PFKL: variants seen among roughly 807,000 people sequenced by gnomAD.
The protein encoded by PFKL is ATP-dependent 6-phosphofructokinase, liver type.
PFKL carries 74 observed loss-of-function variants against 92.1 expected under a neutral mutation model. The ratio of observed to expected loss-of-function variants is 0.80; its 90% CI spans 0.67 to 0.97. The LOEUF (loss-of-function observed/expected upper bound fraction) is 0.97, where lower values mean the gene tolerates loss of function less well. Ranked by LOEUF, PFKL falls within the 50% of genes least tolerant of loss-of-function variation. The pLI is 0.00. For missense variants in PFKL, 1,028 were observed against 1,116.6 expected, an observed-to-expected ratio of 0.92 and a Z score of 1.13; for synonymous variants, 494 against 456.4, an observed-to-expected ratio of 1.08 and a Z score of -1.05.
intron 4 of PFKL, among the ~76,000 whole-genome samples, 196 bp from the exon 5 acceptor site, chr21:44,312,782 G>A (rs760609261): frequency 1.3e-5 from 2 of 152,186 alleles, no homozygotes; most frequent in African/African-American, 2.4e-5. Context: ...GAGGTCCCCC[G>A]TCTGCACTTG....
intron 1 of PFKL, chr21:44,304,228 G>C (rs958216049): frequency 1.6e-6 from 2 of 1,288,860 alleles, no homozygotes; most frequent in Non-Finnish European, 2.0e-6. Flanking sequence ...GGAAGTGAGG[G>C]GTACCCTTGC....
At chr21:44,301,790 A>G (rs773818171) in intron 1 of PFKL, among the ~76,000 whole-genome samples, 15 of 152,180 alleles carry the variant, frequency 9.9e-5, no homozygotes, top group Non-Finnish European at 1.5e-4. Flanking sequence ...AGGGTCCCCA[A>G]CCAGCTTCCT....
rs777649372 is a variant in PFKL at position 44,326,283 on chromosome 21, T to C, written c.2195+19T>C. ...ATTTCGAGTGAGTTCCACCAAAGCC[T>C]CGTGGAGGCGGGTGGGGCTGAGGGG... On this transcript the variant is annotated intron_variant, in intron 21 of 21. Transcript: ENST00000349048. 2 of 1,570,150 alleles carry C rather than the reference T, an allele frequency of 1.3e-6. No homozygotes were observed. The highest frequency in any genetic ancestry group is 8.7e-7 in the Non-Finnish European group (1 of 1,145,048).
intron 12 of PFKL, chr21:44,320,364 G>A: frequency 2.0e-6 from 1 of 503,286 alleles, no homozygotes; most frequent in South Asian, 2.5e-5. Flanking sequence ...AGGGCTGGCT[G>A]TTGCTTCTCA....
At chr21:44,310,266 C>T (rs1045584586) in intron 2 of PFKL, among the ~76,000 whole-genome samples, 1 of 152,248 alleles carries the variant, frequency 6.6e-6, no homozygotes, top group African/African-American at 2.4e-5. Flanking sequence ...TGTGCAGGTG[C>T]CATCTGGGAA....
intron 1 of PFKL, among the ~76,000 whole-genome samples, chr21:44,304,690 G>C (rs533079812): frequency 1.4e-3 from 192 of 137,612 alleles, no homozygotes; most frequent in African/African-American, 5.0e-3. Flanking sequence ...TCAGCTGTCT[G>C]GGGGGGGCTC....
In PFKL at chr21:44,312,135, A is replaced by G. The variant is rs778104610; in HGVS notation, c.268A>G (p.Lys90Glu). ...CACTATCATTGGCAGCGCTCGCTGC[A>G]AGGCCTTTACCACCAGGGAGGGGCG... ...GGTIIGSARC[K>E]AFTTREGRRA... Residue 90 changes from lysine to glutamate, a missense_variant, in exon 4 of 22, where the codon AAG (lysine) becomes GAG (glutamate). Lys to Glu is a moderately conservative substitution (Grantham distance 56). Transcript: ENST00000349048. 8.9e-6 allele frequency: 14 copies of G among 1,581,234 alleles called. No homozygotes were observed. The highest frequency in any genetic ancestry group is 1.1e-5 in the Non-Finnish European group (13 of 1,164,314).
In PFKL at chr21:44,318,544, C is replaced by G. The variant is rs2047271431; in HGVS notation, c.1011C>G (p.Thr337=). 6.3e-7 allele frequency: 1 copy of G among 1,577,684 alleles called. No homozygotes were observed. The highest frequency in any genetic ancestry group is 1.4e-5 in the African/African-American group (1 of 73,680). ...CTGACACGCCGGCCTGCGTGGTCAC[C>G]CTCTCGGGGAACCAGTCAGTGCGGC... ...ATPDTPACVV[T]LSGNQSVRLP... is the part of the protein sequence containing the mutation. The change falls in exon 10 of 22, where the codon ACC becomes ACG. Residue 337 remains threonine (T), a synonymous_variant. Coordinates refer to ENST00000349048, the MANE Select transcript of PFKL (RefSeq NM_002626.6).
At chr21:44,306,622 G>C (rs2040954326) in intron 1 of PFKL, 59 bp from the exon 2 acceptor site, 11 of 1,477,796 alleles carry the variant, frequency 7.4e-6, no homozygotes, top group Non-Finnish European at 1.0e-5. Context: ...GAGATGGGGA[G>C]GGTGTCCAGG....
In PFKL at chr21:44,320,090, C is replaced by A; in HGVS notation, c.1134C>A (p.Phe378Leu). Residue 378 changes from phenylalanine to leucine, a missense_variant, in exon 12 of 22, where the codon TTC becomes TTA. By Grantham distance (22) the Phe-to-Leu change is conservative. Transcript: ENST00000349048. ...TGACCCGAATCCCTTCCAGGAGCTT[C>A]GAGAACAACTGGAACATTTACAAGC... ...DEATQLRGGS[F>L]ENNWNIYKLL... The A allele has an allele frequency of 6.2e-7, 1 of 1,613,446 alleles. No individual in the cohort carries two copies. Among genetic ancestry groups the A allele is most frequent in the Non-Finnish European group, 8.5e-7 (1 of 1,179,774 alleles).
At chr21:44,308,547 A>AG (rs1213114707) in intron 2 of PFKL, among the ~76,000 whole-genome samples, 8 of 143,598 alleles carry the variant, frequency 5.6e-5, no homozygotes, top group African/African-American at 7.7e-5. Context: ...GGATGATTCT[A>AG]GGGGGGTAGG....
At position 44,318,534 on chromosome 21, in the gene PFKL, G is replaced by T; in HGVS notation, c.1001G>T (p.Cys334Phe). 1 of 1,580,674 alleles carries T rather than the reference G, an allele frequency of 6.3e-7. No homozygotes were observed. Among genetic ancestry groups the T allele is most frequent in the Non-Finnish European group, 8.6e-7 (1 of 1,158,256 alleles). Residue 334 changes from cysteine to phenylalanine, a missense_variant, in exon 10 of 22, where the codon TGC (cysteine) becomes TTC (phenylalanine). Cys to Phe is a radical substitution (Grantham distance 205, BLOSUM62 -2). Coordinates refer to ENST00000349048, the MANE Select transcript of PFKL (RefSeq NM_002626.6). ...LLEATPDTPACVVTLSGNQSV... is the reference protein window; with the variant it reads ...LLEATPDTPAFVVTLSGNQSV... Reference sequence around the variant, plus strand: ...GAAGCCACGCCTGACACGCCGGCCTGCGTGGTCACCCTCTCGGGGAACCAG... The same window carrying T: ...GAAGCCACGCCTGACACGCCGGCCTTCGTGGTCACCCTCTCGGGGAACCAG...
chr21:44,301,273 C>T (rs1438929388), intron 1 of PFKL, among the ~76,000 whole-genome samples: 1 of 152,172 alleles, frequency 6.6e-6, no homozygotes, highest in African/African-American at 2.4e-5. Flanking sequence ...TCAGACCTGG[C>T]TGAGCCAGGC....
intron 7 of PFKL, 94 bp from the exon 8 acceptor site, chr21:44,316,150 T>C: frequency 8.9e-7 from 1 of 1,128,946 alleles, no homozygotes; most frequent in South Asian, 1.3e-5. Flanking sequence ...GGGTTGGGAA[T>C]GGTGGCCCCA....
rs1374258374 is a variant in PFKL, at chr21:44,322,114, C to G, written c.1339-19C>G. The G allele has an allele frequency of 6.3e-7, 1 of 1,598,926 alleles. No individual in the cohort carries two copies. Among genetic ancestry groups the G allele is most frequent in the South Asian group, 1.1e-5 (1 of 89,962 alleles). On this transcript the variant is annotated intron_variant, in intron 13 of 21. Coordinates refer to ENST00000349048, the MANE Select transcript of PFKL (RefSeq NM_002626.6). The stretch of plus-strand genomic sequence containing the variant: ...CAGAGGCTCAGGCTGGCCCCTGAAG[C>G]TGCATCTCCTCCTGGCAGGTGCAAG...
intron 2 of PFKL, 108 bp from the exon 3 acceptor site, chr21:44,310,898 A>G: frequency 1.3e-6 from 1 of 776,406 alleles, no homozygotes; most frequent in Non-Finnish European, 2.2e-6. Context: ...CACAGTCAGC[A>G]CCCTGGTCCT....
intron 1 of PFKL, among the ~76,000 whole-genome samples, chr21:44,302,248 G>A (rs1027849198): frequency 2.6e-5 from 4 of 152,248 alleles, no homozygotes; most frequent in Non-Finnish European, 4.4e-5. Flanking sequence ...CCCAAGCCCC[G>A]TGCAGCTGCA....
At position 44,325,988 on chromosome 21, in the gene PFKL, A is replaced by G. The variant is rs1309171201; in HGVS notation, c.2017A>G (p.Asn673Asp). ...QGGAPTPFDR[N>D]YGTKLGVKAM... ...TGGCGCTCCAACCCCCTTTGACCGG[A>G]ACTATGGGACCAAGCTGGGGGTGAA... The change falls in exon 20 of 22, where the codon AAC (asparagine) becomes GAC (aspartate). Residue 673 changes from asparagine (N) to aspartate (D), a missense_variant. By Grantham distance (23) the Asn-to-Asp change is conservative. Coordinates refer to ENST00000349048, the MANE Select transcript of PFKL (RefSeq NM_002626.6). 3.1e-6 allele frequency: 5 copies of G among 1,613,664 alleles called. No homozygotes were observed. Among genetic ancestry groups the G allele is most frequent in the Non-Finnish European group, 4.2e-6 (5 of 1,179,950 alleles).
At chr21:44,305,070 G>A (rs1198375587) in intron 1 of PFKL, 2 of 368,030 alleles carry the variant, frequency 5.4e-6, no homozygotes, top group African/African-American at 2.1e-5. Flanking sequence ...TGCTGGGTGG[G>A]GAGAGGGCCA....
Sources: gnomAD v4.1 joint callset for allele counts (sites outside exome capture counted in the v4.1 genomes callset) on GRCh38, gnomAD v4.1.1 for gene constraint, MANE v1.5 for transcripts, NCBI Gene and HGNC (gene_info 2026-07-23, HGNC 2026-07-21) for gene names.